GAREM1: variants seen among roughly 807,000 people sequenced by gnomAD.
GAREM1 encodes GRB2 associated regulator of MAPK1 subtype 1.
Under a neutral mutation model 71.3 loss-of-function variants are expected in GAREM1, and 26 were observed. The ratio of observed to expected loss-of-function variants is 0.36; its 90% CI spans 0.27 to 0.51. The LOEUF is 0.51. Among genes scored for constraint, GAREM1 ranks in the 20% least tolerant of loss-of-function variants. GAREM1 has a pLI of 0.95. For synonymous variants in GAREM1, 440 were observed against 433.2 expected (o/e 1.02, Z -0.20); for missense variants, 1,026 against 1,103.1 (o/e 0.93, Z 0.99).
At chr18:32,456,314 G>T (rs970660006) in intron 1 of GAREM1, among the ~76,000 whole-genome samples, 2 of 152,070 alleles carry the variant, frequency 1.3e-5, no homozygotes, top group African/African-American at 2.4e-5. Flanking sequence ...GAGCAAGTCC[G>T]AGTGGTGAAC....
At chr18:32,355,466 A>G (rs951574445) in intron 2 of GAREM1, among the ~76,000 whole-genome samples, 1 of 152,178 alleles carries the variant, frequency 6.6e-6, no homozygotes, top group South Asian at 2.1e-4. Flanking sequence ...TAAGGAATCA[A>G]GAGTAGAGAG....
chr18:32,282,867 T>A (rs561181039), intron 4 of GAREM1, among the ~76,000 whole-genome samples: 2 of 152,262 alleles, frequency 1.3e-5, no homozygotes, highest in Non-Finnish European at 2.9e-5. Context: ...AAGATTGCTC[T>A]TGAAGATTGC....
intron 3 of GAREM1, among the ~76,000 whole-genome samples, chr18:32,307,754 C>A (rs866192318): frequency 2.6e-5 from 4 of 152,080 alleles, no homozygotes; most frequent in Non-Finnish European, 5.9e-5. Flanking sequence ...AACTCCTGAC[C>A]TCAGGTGATC....
At chr18:32,377,838 C>G (rs1462704572) in intron 2 of GAREM1, among the ~76,000 whole-genome samples, 1 of 152,178 alleles carries the variant, frequency 6.6e-6, no homozygotes, top group Non-Finnish European at 1.5e-5. Flanking sequence ...GCTGGGATTA[C>G]AGGCGTGAGC....
intron 1 of GAREM1, among the ~76,000 whole-genome samples, chr18:32,438,805 T>C (rs1316590062): frequency 6.6e-6 from 1 of 152,234 alleles, no homozygotes; most frequent in Non-Finnish European, 1.5e-5. Flanking sequence ...TTTAAGGGAA[T>C]TGTCACTGAA....
chr18:32,319,277 C>T (rs1386760897), intron 2 of GAREM1, among the ~76,000 whole-genome samples: 2 of 152,112 alleles, frequency 1.3e-5, no homozygotes, highest in Non-Finnish European at 2.9e-5. Flanking sequence ...TAGCCAGTTG[C>T]CATTTTTCAA....
At chr18:32,447,675 A>G (rs2048797700) in intron 1 of GAREM1, among the ~76,000 whole-genome samples, 1 of 152,170 alleles carries the variant, frequency 6.6e-6, no homozygotes, top group African/African-American at 2.4e-5. Context: ...TTACAGAAAG[A>G]GTTGTAAGAA....
At chr18:32,360,956 T>C (rs1464984119) in intron 2 of GAREM1, among the ~76,000 whole-genome samples, 2 of 152,220 alleles carry the variant, frequency 1.3e-5, no homozygotes, top group East Asian at 3.8e-4. Flanking sequence ...CTCTTCATGA[T>C]GCAACATTTC....
rs529489845 is a variant in GAREM1 at position 32,404,917 on chromosome 18, T to A, written c.122-11882A>T. ...ATATTGTTTTTATCTGTCACGGACA[T>A]AAACTGTTCTTATGTCATAGCTAAA... On this transcript the variant is annotated intron_variant, in intron 1 of 5. Transcript: ENST00000269209. Among the ~76,000 whole-genome samples the A allele has an allele frequency of 1.5e-3, 222 of 152,326 alleles. 1 individual carries two copies. Among genetic ancestry groups the A allele is most frequent in the Non-Finnish European group, 2.7e-3 (181 of 68,014 alleles).
chr18:32,368,140 G>C (rs763958324), intron 2 of GAREM1, among the ~76,000 whole-genome samples: 2 of 150,754 alleles, frequency 1.3e-5, no homozygotes, highest in Non-Finnish European at 2.9e-5. Flanking sequence ...GGCAGCTTTC[G>C]TTCCCTCCTC....
chr18:32,416,378 T>C (rs918039039), intron 1 of GAREM1, among the ~76,000 whole-genome samples: 5 of 152,174 alleles, frequency 3.3e-5, no homozygotes. Flanking sequence ...TCCTAAAATT[T>C]ATATGGAACC....
At chr18:32,382,467 C>T (rs1234016295) in intron 2 of GAREM1, among the ~76,000 whole-genome samples, 1 of 152,066 alleles carries the variant, frequency 6.6e-6, no homozygotes, top group African/African-American at 2.4e-5. Context: ...AGGGCAAAGC[C>T]TACCTGAGCA....
chr18:32,433,289 T>C (rs2144261079), intron 1 of GAREM1, among the ~76,000 whole-genome samples: 1 of 151,966 alleles, frequency 6.6e-6, no homozygotes, highest in South Asian at 2.1e-4. Context: ...CTTTCTAACC[T>C]GATAAAGGAC....
Position 32,462,988 on chromosome 18 carries a change from A to C in GAREM1, c.121+7320T>G, listed in dbSNP as rs577194662. 2.6e-4 allele frequency among the ~76,000 whole-genome samples: 39 copies of C among 152,256 alleles called. No individual in the cohort carries two copies. The East Asian group carries it at 5.6e-3, about 22-fold the overall frequency. On this transcript the variant is annotated intron_variant, in intron 1 of 5. Coordinates refer to ENST00000269209, the MANE Select transcript of GAREM1 (RefSeq NM_001242409.2). ...ACAATGTTACAATTAAATAAAAGGAAGAATAAGTGTCCTACTGCACAGTGG... is the reference window on the plus strand; with the variant it reads ...ACAATGTTACAATTAAATAAAAGGACGAATAAGTGTCCTACTGCACAGTGG...
chr18:32,299,744 C>T (rs1031285035), intron 3 of GAREM1, among the ~76,000 whole-genome samples: 4 of 152,052 alleles, frequency 2.6e-5, no homozygotes, highest in African/African-American at 9.6e-5. Flanking sequence ...GTACTGATTC[C>T]TAAGACTCCA....
chr18:32,397,885 T>A (rs1004122424), intron 1 of GAREM1, among the ~76,000 whole-genome samples: 4 of 152,184 alleles, frequency 2.6e-5, no homozygotes, highest in African/African-American at 4.8e-5. Context: ...CACAACGCAC[T>A]TATTCCAAAA....
chr18:32,316,083 C>G (rs2047375523), intron 2 of GAREM1, among the ~76,000 whole-genome samples: 1 of 152,166 alleles, frequency 6.6e-6, no homozygotes. Context: ...GCTGCATAGT[C>G]ATCTGTGTTT....
chr18:32,364,017 TATATATATA>T (rs1567980730), intron 2 of GAREM1, among the ~76,000 whole-genome samples: 8 of 64,634 alleles, frequency 1.2e-4, no homozygotes, highest in African/African-American at 7.8e-4. Context: ...TATATATATA[TATATATATA>T]TGTTTTTTTT....
intron 1 of GAREM1, among the ~76,000 whole-genome samples, chr18:32,437,262 G>C (rs983187080): frequency 6.6e-6 from 1 of 152,138 alleles, no homozygotes; most frequent in Non-Finnish European, 1.5e-5. Context: ...AGTAGCTCCT[G>C]TGCTTGCTTT....
Sources: allele counts gnomAD v4.1 joint callset (sites outside exome capture counted in the v4.1 genomes callset), GRCh38; gene constraint gnomAD v4.1.1; transcripts MANE v1.5; gene names NCBI Gene and HGNC (gene_info 2026-07-23, HGNC 2026-07-21).